KCND2: variants seen among roughly 807,000 people sequenced by gnomAD.
The protein encoded by KCND2 is A-type voltage-gated potassium channel KCND2.
A neutral mutation model predicts 54.4 loss-of-function variants in KCND2; 16 were observed. The observed-to-expected ratio is 0.29, with a 90% CI of 0.20 to 0.45. KCND2 has a LOEUF of 0.45. Ranked by LOEUF, KCND2 falls within the 20% of genes least tolerant of loss-of-function variation. The pLI, the probability that KCND2 is intolerant of heterozygous loss-of-function variation, is 1.00. For synonymous variants in KCND2, 317 were observed against 310.7 expected (o/e 1.02, Z -0.21); for missense variants, 486 against 824.2 (o/e 0.59, Z 5.02).
At chr7:120,372,298 A>G (rs142804684) in intron 1 of KCND2, among the ~76,000 whole-genome samples, 62 of 151,934 alleles carry the variant, frequency 4.1e-4, no homozygotes, top group African/African-American at 1.4e-3. Flanking sequence ...CCATTCCTCG[A>G]CACTGCTCCA....
intron 1 of KCND2, among the ~76,000 whole-genome samples, chr7:120,375,883 A>G (rs1000390330): frequency 1.3e-5 from 2 of 151,814 alleles, no homozygotes; most frequent in Non-Finnish European, 2.9e-5. Flanking sequence ...TAAGATATGT[A>G]GGGCTTTAGT....
At chr7:120,455,282 A>C (rs1802178963) in intron 1 of KCND2, among the ~76,000 whole-genome samples, 1 of 152,212 alleles carries the variant, frequency 6.6e-6, no homozygotes, top group Non-Finnish European at 1.5e-5. Flanking sequence ...CGTGACTTCA[A>C]ACTATACTAC....
At chr7:120,361,078 A>C (rs1370599420) in intron 1 of KCND2, among the ~76,000 whole-genome samples, 1 of 152,068 alleles carries the variant, frequency 6.6e-6, no homozygotes, top group African/African-American at 2.4e-5. Flanking sequence ...TGGCTTGTCA[A>C]TGTAGCTCTA....
At position 120,678,384 on chromosome 7, in the gene KCND2, CAT is replaced by C. The variant is rs1440672504; in HGVS notation, c.1116-54513_1116-54512del. 9.7e-5 allele frequency among the ~76,000 whole-genome samples: 13 copies of C among 133,398 alleles called. No homozygotes were observed. The East Asian group carries it at 1.1e-3, about 11-fold the overall frequency. 87.5% of individuals were successfully genotyped at this position (133,398 alleles called of 152,430 possible). A position where few individuals can be genotyped will look rare whatever the true frequency, so the allele number is the denominator to read the frequency against. On this transcript the variant is annotated intron_variant, in intron 1 of 5. Transcript: ENST00000331113. ...ATATATATATATATACGCACACACACATATATAGACACATACACACATATATA... is the reference window on the plus strand; with the variant it reads ...ATATATATATATATACGCACACACACATATAGACACATACACACATATATA...
At chr7:120,581,281 C>T (rs543135175) in intron 1 of KCND2, among the ~76,000 whole-genome samples, 7 of 152,276 alleles carry the variant, frequency 4.6e-5, no homozygotes, top group East Asian at 3.9e-4. Context: ...GTTTGTTTCT[C>T]GCTTTCCTAT....
intron 1 of KCND2, among the ~76,000 whole-genome samples, chr7:120,374,703 C>G (rs1800812806): frequency 6.6e-6 from 1 of 151,794 alleles, no homozygotes; most frequent in Non-Finnish European, 1.5e-5. Context: ...TCCTTTCAGC[C>G]TCATAGCCTG....
intron 1 of KCND2, among the ~76,000 whole-genome samples, chr7:120,663,912 G>T (rs1304689207): frequency 2.0e-5 from 3 of 152,120 alleles, no homozygotes; most frequent in Non-Finnish European, 4.4e-5. Context: ...TAGAGTACTT[G>T]TGCTCAGTGA....
At chr7:120,528,492 GATATT>G (rs920246970) in intron 1 of KCND2, among the ~76,000 whole-genome samples, 1 of 152,140 alleles carries the variant, frequency 6.6e-6, no homozygotes, top group African/African-American at 2.4e-5. Flanking sequence ...GGTGATGTAA[GATATT>G]ATGTGTCATT....
At chr7:120,593,328 C>A (rs919387182) in intron 1 of KCND2, among the ~76,000 whole-genome samples, 45 of 152,120 alleles carry the variant, frequency 3.0e-4, no homozygotes, top group African/African-American at 1.0e-3. Context: ...CTGATTGATT[C>A]ACCGAACAGA....
intron 1 of KCND2, among the ~76,000 whole-genome samples, chr7:120,664,418 C>T (rs974190479): frequency 3.3e-5 from 5 of 151,220 alleles, no homozygotes; most frequent in Admixed American, 2.6e-4. Flanking sequence ...CACTGCTATA[C>T]TTATGGTATA....
At chr7:120,422,786 A>C (rs1801645711) in intron 1 of KCND2, among the ~76,000 whole-genome samples, 1 of 152,140 alleles carries the variant, frequency 6.6e-6, no homozygotes, top group African/African-American at 2.4e-5. Context: ...CCCTCAACAC[A>C]GCTATTTTTC....
chr7:120,588,745 A>AACAGGAACAGG (rs1792632956), intron 1 of KCND2, among the ~76,000 whole-genome samples: 1 of 152,194 alleles, frequency 6.6e-6, no homozygotes. Flanking sequence ...GCAAAATAGG[A>AACAGGAACAGG]ACAGGAACAG....
intron 1 of KCND2, among the ~76,000 whole-genome samples, chr7:120,489,407 G>A (rs1802742860): frequency 7.5e-6 from 1 of 133,022 alleles, no homozygotes. Context: ...AATTTCTTTT[G>A]AAACACACAT....
chr7:120,500,757 C>G (rs1482572436), intron 1 of KCND2, among the ~76,000 whole-genome samples: 1 of 151,122 alleles, frequency 6.6e-6, no homozygotes, highest in African/African-American at 2.4e-5. Flanking sequence ...ATCAACTTTG[C>G]TTTTCTAAAT....
chr7:120,349,950 T>G (rs1800377542), intron 1 of KCND2, among the ~76,000 whole-genome samples: 1 of 152,082 alleles, frequency 6.6e-6, no homozygotes, highest in Non-Finnish European at 1.5e-5. Flanking sequence ...GTAGTTGAAT[T>G]AATTGAATTA....
chr7:120,541,951 A>G (rs928798315), intron 1 of KCND2, among the ~76,000 whole-genome samples: 2 of 152,196 alleles, frequency 1.3e-5, no homozygotes, highest in African/African-American at 4.8e-5. Flanking sequence ...AATGTTCTGA[A>G]TGTTTACATT....
intron 1 of KCND2, among the ~76,000 whole-genome samples, chr7:120,414,353 A>G (rs1329458362): frequency 1.3e-5 from 2 of 152,170 alleles, no homozygotes; most frequent in Non-Finnish European, 2.9e-5. Flanking sequence ...ACTGTCAAAA[A>G]GTAATTACCA....
intron 1 of KCND2, among the ~76,000 whole-genome samples, chr7:120,424,732 G>A (rs1034410345): frequency 2.0e-5 from 3 of 152,112 alleles, no homozygotes; most frequent in Non-Finnish European, 4.4e-5. Context: ...TTTGAACCTA[G>A]CTACTAGAAA....
At chr7:120,714,095 G>T (rs1162037928) in intron 1 of KCND2, among the ~76,000 whole-genome samples, 3 of 152,084 alleles carry the variant, frequency 2.0e-5, no homozygotes, top group South Asian at 4.1e-4. Context: ...AATGATAATC[G>T]ATATACAATT....
Sources: allele counts gnomAD v4.1 joint callset (sites outside exome capture counted in the v4.1 genomes callset), GRCh38; gene constraint gnomAD v4.1.1; transcripts MANE v1.5; gene names NCBI Gene and HGNC (gene_info 2026-07-23, HGNC 2026-07-21).